The following MDFIC variants were observed in gnomAD, a reference collection of about 807,000 sequenced individuals.
The protein encoded by MDFIC is myoD family inhibitor domain-containing protein.
MDFIC carries 17 observed loss-of-function variants against 23.2 expected under a neutral mutation model. That is an observed-to-expected ratio of 0.73 (90% confidence interval 0.50 to 1.10). The LOEUF (loss-of-function observed/expected upper bound fraction) is 1.10, where lower values mean the gene tolerates loss of function less well. Among genes scored for constraint, MDFIC ranks in the 50% least tolerant of loss-of-function variants. MDFIC has a pLI of 0.00. For missense variants in MDFIC, 356 were observed against 316.6 expected, an observed-to-expected ratio of 1.12 and a Z score of -0.95; for synonymous variants, 120 against 115.2, an observed-to-expected ratio of 1.04 and a Z score of -0.27.
intron 3 of MDFIC, among the ~76,000 whole-genome samples, chr7:114,946,203 G>T (rs976809855): frequency 6.7e-6 from 1 of 148,930 alleles, no homozygotes; most frequent in African/African-American, 2.5e-5. Flanking sequence ...GTCTTTGCGG[G>T]GATTTCTAAG....
intron 4 of MDFIC, chr7:114,980,091 A>AGT (rs764608278): frequency 1.1e-5 from 4 of 368,576 alleles, no homozygotes; most frequent in Admixed American, 3.9e-5. Context: ...GGCATACATG[A>AGT]GTGTGTGTGT....
chr7:114,965,297 G>T (rs538464662), intron 3 of MDFIC, among the ~76,000 whole-genome samples: 2 of 152,342 alleles, frequency 1.3e-5, no homozygotes, highest in African/African-American at 4.8e-5. Flanking sequence ...ATACTGTGAA[G>T]GGTTTGGAAG....
At chr7:114,925,263 A>G (rs143559607) in intron 2 of MDFIC, among the ~76,000 whole-genome samples, 136 of 152,296 alleles carry the variant, frequency 8.9e-4, no homozygotes, top group African/African-American at 2.6e-3. Flanking sequence ...GTGATGAGCT[A>G]TCCATACTGT....
chr7:114,994,173 C>T (rs535046452), intron 4 of MDFIC, among the ~76,000 whole-genome samples: 1 of 152,090 alleles, frequency 6.6e-6, no homozygotes, highest in South Asian at 2.1e-4. Context: ...GTGTGCAACC[C>T]CTGCCTTTTT....
chr7:114,973,635 A>G (rs1307436430), intron 3 of MDFIC, among the ~76,000 whole-genome samples: 3 of 152,174 alleles, frequency 2.0e-5, no homozygotes, highest in Non-Finnish European at 4.4e-5. Flanking sequence ...TTCTTAATGA[A>G]ATGCAGAAAA....
intron 4 of MDFIC, among the ~76,000 whole-genome samples, chr7:114,993,286 T>A (rs1019594577): frequency 6.6e-6 from 1 of 152,162 alleles, no homozygotes; most frequent in African/African-American, 2.4e-5. Context: ...ATTTTGTTGA[T>A]CTTTTCAAAA....
chr7:114,960,555 C>T (rs1220590401), intron 3 of MDFIC, among the ~76,000 whole-genome samples: 1 of 151,904 alleles, frequency 6.6e-6, no homozygotes, highest in African/African-American at 2.4e-5. Flanking sequence ...CTGAATAGAC[C>T]CCTTTTATTT....
Position 114,923,068 on chromosome 7 carries a change from C to A in MDFIC, c.35C>A (p.Pro12His). 1 of 1,403,024 alleles carries A rather than the reference C, an allele frequency of 7.1e-7. No homozygotes were observed. Among genetic ancestry groups the A allele is most frequent in the Admixed American group, 3.3e-5 (1 of 30,286 alleles). The allele number at this position is 1,403,024 out of a possible 1,614,324, so 86.9% of individuals were successfully genotyped here. A position where few individuals can be genotyped will look rare whatever the true frequency, so the allele number is the denominator to read the frequency against. ...SGAGEALAPGPVGPQRVAEAG... is the reference protein window; with the variant it reads ...SGAGEALAPGHVGPQRVAEAG... ...GCGGGCGAAGCCCTCGCTCCCGGGC[C>A]CGTGGGGCCGCAGCGCGTGGCCGAG... The change falls in exon 2 of 5, where the codon CCC (proline) becomes CAC (histidine). Residue 12 changes from proline (P) to histidine (H), a missense_variant. By Grantham distance (77) the Pro-to-His change is moderately conservative. Transcript: ENST00000393486.
chr7:114,970,796 A>G (rs1309435463), intron 3 of MDFIC, among the ~76,000 whole-genome samples: 1 of 152,182 alleles, frequency 6.6e-6, no homozygotes, highest in Non-Finnish European at 1.5e-5. Flanking sequence ...TAACATGTAT[A>G]TGATTATCAT....
chr7:114,941,522 AC>A (rs1317518601), intron 2 of MDFIC, among the ~76,000 whole-genome samples: 2 of 152,118 alleles, frequency 1.3e-5, no homozygotes, highest in Non-Finnish European at 2.9e-5. Context: ...AGTCCATCCA[AC>A]ATGTATCATT....
chr7:114,922,330 T>G lies in MDFIC; in HGVS notation c.-414T>G. ...GAGAAGTGTTTCAGGATTGTAGGAGTGGAAGAGGGGAAAGAGAGGCAGAGA... is the reference window on the plus strand; with the variant it reads ...GAGAAGTGTTTCAGGATTGTAGGAGGGGAAGAGGGGAAAGAGAGGCAGAGA... On this transcript the variant is annotated 5_prime_UTR_variant, in exon 1 of 5. Transcript: ENST00000393486. The G allele has an allele frequency of 1.9e-6, 2 of 1,044,520 alleles. No individual in the cohort carries two copies. Among genetic ancestry groups the G allele is most frequent in the Non-Finnish European group, 2.4e-6 (2 of 818,160 alleles). 64.7% of individuals were successfully genotyped at this position (1,044,520 alleles called of 1,614,324 possible).
At chr7:114,944,256 G>A (rs545392059) in intron 3 of MDFIC, among the ~76,000 whole-genome samples, 2 of 152,254 alleles carry the variant, frequency 1.3e-5, no homozygotes, top group African/African-American at 4.8e-5. Flanking sequence ...CTCTGAAAGG[G>A]CTGCTGGGGA....
intron 4 of MDFIC, among the ~76,000 whole-genome samples, chr7:114,986,914 C>G (rs1373224017): frequency 6.6e-6 from 1 of 152,158 alleles, no homozygotes; most frequent in Non-Finnish European, 1.5e-5. Flanking sequence ...TAGCCTACAG[C>G]CTAGTGCCTG....
At chr7:114,952,000 C>T (rs999533841) in intron 3 of MDFIC, among the ~76,000 whole-genome samples, 4 of 152,206 alleles carry the variant, frequency 2.6e-5, no homozygotes, top group African/African-American at 4.8e-5. Context: ...AAGTGCTGGG[C>T]TTGCCACAAC....
intron 3 of MDFIC, among the ~76,000 whole-genome samples, chr7:114,957,534 T>A (rs549436805): frequency 6.6e-6 from 1 of 152,306 alleles, no homozygotes; most frequent in Non-Finnish European, 1.5e-5. Context: ...GCTTTTTGAA[T>A]AATATATAAA....
intron 4 of MDFIC, among the ~76,000 whole-genome samples, chr7:114,999,747 C>T (rs1791421940): frequency 7.3e-6 from 1 of 137,692 alleles, no homozygotes; most frequent in South Asian, 2.5e-4. Flanking sequence ...TATGAACCTC[C>T]AGCTCAGGGG....
chr7:114,934,314 G>C (rs1272307323), intron 2 of MDFIC, among the ~76,000 whole-genome samples: 1 of 152,128 alleles, frequency 6.6e-6, no homozygotes, highest in East Asian at 1.9e-4. Context: ...TCAGATTGCT[G>C]TTATCCAAGC....
At chr7:114,971,807 T>G (rs879655170) in intron 3 of MDFIC, among the ~76,000 whole-genome samples, 8 of 152,200 alleles carry the variant, frequency 5.3e-5, no homozygotes, top group Admixed American at 4.6e-4. Flanking sequence ...AAATGCTGAT[T>G]ATTTTCTTTA....
chr7:114,980,091 AGT>A (rs764608278), intron 4 of MDFIC: 27 of 368,454 alleles, frequency 7.3e-5, no homozygotes, highest in Non-Finnish European at 1.1e-4. Context: ...GGCATACATG[AGT>A]GTGTGTGTGT....
Sources: allele counts gnomAD v4.1 joint callset (sites outside exome capture counted in the v4.1 genomes callset), GRCh38; gene constraint gnomAD v4.1.1; transcripts MANE v1.5; gene names NCBI Gene and HGNC (gene_info 2026-07-23, HGNC 2026-07-21).